The following STARD13 variants were observed in gnomAD, a reference collection of about 807,000 sequenced individuals.
The protein encoded by STARD13 is StAR related lipid transfer domain containing 13.
Under a neutral mutation model 106.4 loss-of-function variants are expected in STARD13, and 62 were observed. The observed-to-expected ratio is 0.58, with a 90% confidence interval of 0.48 to 0.72. The LOEUF (loss-of-function observed/expected upper bound fraction) is 0.72, where lower values mean the gene tolerates loss of function less well. Ranked by LOEUF, STARD13 falls within the 30% of genes least tolerant of loss-of-function variation. The pLI is 0.00. For synonymous variants in STARD13, 565 were observed against 553.0 expected (o/e 1.02, Z -0.31); for missense variants, 1,387 against 1,424.0 (o/e 0.97, Z 0.42).
At chr13:33,434,893 A>G in the STARD13 span, among the ~76,000 whole-genome samples, 8,062 of 130,114 alleles carry the variant, frequency 0.062, 287 homozygotes, top group East Asian at 0.082. Flanking sequence ...AGGGAAGGAA[A>G]GAAGGAAGGA....
chr13:33,625,159 C>G, the STARD13 span, among the ~76,000 whole-genome samples: 18,378 of 152,042 alleles, frequency 0.12, 2,797 homozygotes, highest in African/African-American at 0.36. Context: ...GGTAGGGTCA[C>G]AGACATTTTA....
chr13:33,525,219 C>T, the STARD13 span, among the ~76,000 whole-genome samples: 6 of 151,972 alleles, frequency 3.9e-5, no homozygotes, highest in African/African-American at 7.2e-5. Context: ...GACAGGGTCT[C>T]GCTACGTTGA....
intron 1 of STARD13, among the ~76,000 whole-genome samples, chr13:33,188,692 C>G (rs947301414): frequency 2.0e-5 from 3 of 152,192 alleles, no homozygotes; most frequent in African/African-American, 7.2e-5. Flanking sequence ...AGGTTTGTTT[C>G]ACTGTTCGTC....
chr13:33,614,634 A>G, the STARD13 span, among the ~76,000 whole-genome samples: 1 of 152,230 alleles, frequency 6.6e-6, no homozygotes, highest in South Asian at 2.1e-4. Flanking sequence ...AAAACAAAAC[A>G]AAACAGGGTA....
the STARD13 span, among the ~76,000 whole-genome samples, chr13:33,419,283 G>A: frequency 6.6e-6 from 1 of 152,078 alleles, no homozygotes; most frequent in African/African-American, 2.4e-5. Context: ...TGACCTGATG[G>A]AGCTGAAAAC....
intron 1 of STARD13, among the ~76,000 whole-genome samples, chr13:33,223,822 A>T (rs1228702784): frequency 6.6e-6 from 1 of 152,182 alleles, no homozygotes; most frequent in African/African-American, 2.4e-5. Flanking sequence ...TGAGAATAAT[A>T]ATAATAATAT....
At chr13:33,648,761 GCTCTTTTTTT>G in the STARD13 span, among the ~76,000 whole-genome samples, 4 of 135,074 alleles carry the variant, frequency 3.0e-5, no homozygotes, top group Admixed American at 2.9e-4. Context: ...TTTTTATGAT[GCTCTTTTTTT>G]CTTTTCTCTT....
chr13:33,662,337 T>G, the STARD13 span, among the ~76,000 whole-genome samples: 8 of 152,196 alleles, frequency 5.3e-5, no homozygotes, highest in East Asian at 1.3e-3. Flanking sequence ...CAGTTTAGAG[T>G]TATTACATTT....
chr13:33,225,774 T>G (rs777906765), intron 1 of STARD13, among the ~76,000 whole-genome samples: 5 of 152,182 alleles, frequency 3.3e-5, no homozygotes, highest in African/African-American at 4.8e-5. Context: ...CAACTCTTCG[T>G]ATTAATATGT....
intron 1 of STARD13, among the ~76,000 whole-genome samples, chr13:33,219,823 AAAAG>A (rs778755185): frequency 0.035 from 5,033 of 143,432 alleles, 129 homozygotes; most frequent in Non-Finnish European, 0.047. Context: ...CAAAAAAAAA[AAAAG>A]AAAGAAAGAA....
At chr13:33,165,928 A>G (rs1019784180) in intron 2 of STARD13, among the ~76,000 whole-genome samples, 1 of 152,204 alleles carries the variant, frequency 6.6e-6, no homozygotes, top group Non-Finnish European at 1.5e-5. Context: ...ATTCTATCCA[A>G]AAAGAATAAT....
At chr13:33,384,302 T>C in the STARD13 span, among the ~76,000 whole-genome samples, 1 of 152,212 alleles carries the variant, frequency 6.6e-6, no homozygotes, top group Non-Finnish European at 1.5e-5. Context: ...AATCCTTCTC[T>C]TCAGTTTCTA....
chr13:33,350,068 C>A (rs952024955), intron 1 of STARD13, among the ~76,000 whole-genome samples: 2 of 152,112 alleles, frequency 1.3e-5, no homozygotes, highest in Admixed American at 6.5e-5. Context: ...TGGCTGTCAG[C>A]GCGCGCGTCC....
chr13:33,458,398 G>A, the STARD13 span, among the ~76,000 whole-genome samples: 29 of 151,256 alleles, frequency 1.9e-4, no homozygotes, highest in African/African-American at 5.6e-4. Flanking sequence ...TCAGCCTCCC[G>A]CGAAATATGT....
At chr13:33,437,172 T>C in the STARD13 span, among the ~76,000 whole-genome samples, 28 of 152,342 alleles carry the variant, frequency 1.8e-4, no homozygotes, top group Middle Eastern at 3.4e-3. Flanking sequence ...ATCGGTTATG[T>C]TATCTATAGA....
chr13:33,329,704 CTTTTTTTTTTT>C (rs1270014763), intron 1 of STARD13, among the ~76,000 whole-genome samples: 1 of 126,318 alleles, frequency 7.9e-6, no homozygotes, highest in Non-Finnish European at 1.7e-5. Flanking sequence ...CACTTTCTTT[CTTTTTTTTTTT>C]TTTTTTGAGA....
chr13:33,224,992 T>TTG lies in STARD13; in HGVS notation c.170-57372_170-57371dup, dbSNP rs369964997. 2.8e-4 allele frequency among the ~76,000 whole-genome samples: 42 copies of TTG among 151,684 alleles called. No homozygotes were observed. In the East Asian group the frequency reaches 3.3e-3, roughly 12 times the overall value. On this transcript the variant is annotated intron_variant, in intron 1 of 13. Transcript: ENST00000336934. The stretch of plus-strand genomic sequence containing the variant: ...TGAGGTATTTCAGGATAACAGGATT[T>TTG]TGTGTGTGTGTGTGTACCTAAAAAT...
chr13:33,596,503 A>G, the STARD13 span, among the ~76,000 whole-genome samples: 2 of 152,200 alleles, frequency 1.3e-5, no homozygotes, highest in African/African-American at 4.8e-5. Flanking sequence ...TGATCAAATC[A>G]GGGCATTTAG....
chr13:33,223,699 A>G (rs1027840736), intron 1 of STARD13, among the ~76,000 whole-genome samples: 1 of 152,028 alleles, frequency 6.6e-6, no homozygotes, highest in African/African-American at 2.4e-5. Context: ...AGTAGTTAAA[A>G]GTGTGGGCTC....
Sources: gnomAD v4.1 joint callset for allele counts (sites outside exome capture counted in the v4.1 genomes callset) on GRCh38, gnomAD v4.1.1 for gene constraint, MANE v1.5 for transcripts, NCBI Gene and HGNC (gene_info 2026-07-23, HGNC 2026-07-21) for gene names.